The following PCDHA8 variants were observed in gnomAD, a reference collection of about 807,000 sequenced individuals.
The protein encoded by PCDHA8 is protocadherin alpha-8.
PCDHA8 carries 53 observed loss-of-function variants against 61.8 expected under a neutral mutation model. The ratio of observed to expected loss-of-function variants is 0.86; its 90% CI spans 0.69 to 1.08. The LOEUF is 1.08. Ranked by LOEUF, PCDHA8 falls within the 50% of genes least tolerant of loss-of-function variation. The pLI, the probability that PCDHA8 is intolerant of heterozygous loss-of-function variation, is 0.00. For missense variants in PCDHA8, 1,293 were observed against 1,245.0 expected (o/e 1.04, Z -0.58); for synonymous variants, 618 against 556.6 (o/e 1.11, Z -1.55).
intron 1 of PCDHA8, chr5:140,875,344 A>C: frequency 6.9e-7 from 1 of 1,442,996 alleles, no homozygotes; most frequent in Non-Finnish European, 9.1e-7. Flanking sequence ...TCGACTCCAT[A>C]ATGACTGTGA....
chr5:140,905,248 C>T (rs143714633), intron 1 of PCDHA8, among the ~76,000 whole-genome samples: 1,610 of 152,202 alleles, frequency 0.011, 17 homozygotes, highest in African/African-American at 0.028. Flanking sequence ...TTCATTCTTC[C>T]ACATGAGGCT....
intron 3 of PCDHA8, among the ~76,000 whole-genome samples, chr5:140,989,535 GTT>G (rs2097346543): frequency 6.6e-6 from 1 of 152,178 alleles, no homozygotes; most frequent in Non-Finnish European, 1.5e-5. Context: ...GAGGAAGATA[GTT>G]TGTAATTCCT....
chr5:140,993,463 CACACA>C (rs1563592057), intron 3 of PCDHA8, among the ~76,000 whole-genome samples: 16 of 7,580 alleles, frequency 2.1e-3, no homozygotes, highest in African/African-American at 9.9e-3. Flanking sequence ...CTTTCTTTCT[CACACA>C]CACACACACA....
rs915171063 is a variant in PCDHA8 at position 140,977,108 on chromosome 5, T to C, written c.2395-1841T>C. On this transcript the variant is annotated intron_variant, in intron 1 of 3. Transcript: ENST00000531613. ...AAATGTGTCATTGGGGAAGTGAGAT[T>C]GTATAATGAACTGAGTTTCCTGGTC... 6.6e-5 allele frequency among the ~76,000 whole-genome samples: 10 copies of C among 152,302 alleles called. No homozygotes were observed. The East Asian group carries it at 1.9e-3, about 29-fold the overall frequency.
At chr5:140,862,623 G>T in intron 1 of PCDHA8, 1 of 531,204 alleles carries the variant, frequency 1.9e-6, no homozygotes, top group Non-Finnish European at 3.8e-6. Context: ...ACAACCCGCG[G>T]GGCTGCCACG....
rs2150342799 is a variant in PCDHA8 at position 140,842,713 on chromosome 5, G to C, written c.1392G>C (p.Val464=). ...CGCAGCCCGAGTACACGGTGTTCGT[G>C]AAGGAGAACAACCCGCCGGGCTGCC... The part of the protein sequence containing the change: ...AFAQPEYTVF[V]KENNPPGCHI... Residue 464 remains valine (V), a synonymous_variant, in exon 1 of 4, where the codon GTG becomes GTC. Coordinates refer to ENST00000531613, the MANE Select transcript of PCDHA8 (RefSeq NM_018911.3). 4.1e-5 allele frequency: 65 copies of C among 1,595,292 alleles called. 3 individuals are homozygous for C. In the Middle Eastern group the frequency reaches 1.3e-3, roughly 31 times the overall value.
intron 1 of PCDHA8, among the ~76,000 whole-genome samples, chr5:140,900,046 G>A (rs896570608): frequency 2.4e-4 from 36 of 152,294 alleles, no homozygotes; most frequent in Admixed American, 1.6e-3. Context: ...CTGGGCTCAA[G>A]TGATCCTTTA....
intron 1 of PCDHA8, chr5:140,866,356 A>G (rs1554160259): frequency 6.6e-6 from 1 of 152,172 alleles, no homozygotes; most frequent in African/African-American, 2.4e-5. Flanking sequence ...AAATGTTTAC[A>G]ATATTGCATA....
chr5:140,842,014 A>C lies in PCDHA8; in HGVS notation c.693A>C (p.Thr231=). The C allele has an allele frequency of 6.2e-7, 1 of 1,613,836 alleles. No homozygotes were observed. The highest frequency in any genetic ancestry group is 8.5e-7 in the Non-Finnish European group (1 of 1,179,780). ...CAGGCACTGTTCAGCTGCTGGTCACAGTGCTGGATGTGAATGATAATGCTC... is the reference window on the plus strand; with the variant it reads ...CAGGCACTGTTCAGCTGCTGGTCACCGTGCTGGATGTGAATGATAATGCTC... ...ELTGTVQLLV[T]VLDVNDNAPT... The change falls in exon 1 of 4, where the codon ACA becomes ACC. Residue 231 remains threonine, a synonymous_variant. Coordinates refer to ENST00000531613, the MANE Select transcript of PCDHA8 (RefSeq NM_018911.3).
intron 1 of PCDHA8, chr5:140,968,772 C>T (rs782257554): frequency 1.2e-6 from 2 of 1,614,180 alleles, no homozygotes; most frequent in South Asian, 1.1e-5. Context: ...GGAGAGCCAT[C>T]ACTATCAGCC....
At chr5:140,867,411 AT>A (rs2049946393) in intron 1 of PCDHA8, 2 of 152,130 alleles carry the variant, frequency 1.3e-5, no homozygotes, top group South Asian at 2.1e-4. Context: ...GTCTCCTTTA[AT>A]TTTTTAATAC....
chr5:140,987,709 T>TATG (rs1359366930), intron 3 of PCDHA8, among the ~76,000 whole-genome samples: 1 of 152,190 alleles, frequency 6.6e-6, no homozygotes, highest in Non-Finnish European at 1.5e-5. Flanking sequence ...TTTTTCCAGG[T>TATG]ATGAGTCTAT....
In PCDHA8 at chr5:140,903,730, A is replaced by G. The variant is rs2070542594; in HGVS notation, c.2394+60015A>G. Among the ~76,000 whole-genome samples, 4 of 152,350 alleles carry G rather than the reference A, an allele frequency of 2.6e-5. No homozygotes were observed. In the South Asian group the frequency reaches 8.3e-4, roughly 32 times the overall value. ...AAATATACAATTCTCCCTATTATCA[A>G]TTATTACAGAATGTTTCCCTTGATT... is the stretch of plus-strand genomic sequence containing the variant. On this transcript the variant is annotated intron_variant, in intron 1 of 3. Transcript: ENST00000531613.
intron 1 of PCDHA8, among the ~76,000 whole-genome samples, chr5:140,924,902 A>AAAAAAAT (rs1554202311): frequency 2.8e-4 from 11 of 39,026 alleles, no homozygotes; most frequent in Non-Finnish European, 5.7e-4. Context: ...CTCAAAAAAA[A>AAAAAAAT]AAATAAAATA....
chr5:140,857,826 T>G, intron 1 of PCDHA8: 1 of 1,597,464 alleles, frequency 6.3e-7, no homozygotes, highest in Non-Finnish European at 8.6e-7. Context: ...GTGGCTAAGG[T>G]GCGCGCAGTG....
intron 1 of PCDHA8, chr5:140,870,468 A>G: frequency 1.2e-6 from 2 of 1,614,214 alleles, no homozygotes; most frequent in Non-Finnish European, 8.5e-7. Flanking sequence ...CTGCGTTCGC[A>G]CAGCCCGAGT....
At chr5:141,008,347 G>A (rs551037675) in intron 3 of PCDHA8, among the ~76,000 whole-genome samples, 7 of 152,244 alleles carry the variant, frequency 4.6e-5, no homozygotes, top group South Asian at 2.1e-4. Flanking sequence ...AGCTTTTCAC[G>A]TGTCAACCAA....
intron 1 of PCDHA8, among the ~76,000 whole-genome samples, chr5:140,953,720 G>C (rs2094928996): frequency 6.6e-6 from 1 of 152,068 alleles, no homozygotes; most frequent in African/African-American, 2.4e-5. Flanking sequence ...CAGACATTGT[G>C]TTTTGAAATT....
intron 3 of PCDHA8, among the ~76,000 whole-genome samples, chr5:140,991,361 G>C (rs1183124741): frequency 6.6e-6 from 1 of 152,200 alleles, no homozygotes; most frequent in Non-Finnish European, 1.5e-5. Context: ...ACTATTTACT[G>C]TCTGAGTTCT....
Sources: gnomAD v4.1 joint callset for allele counts (sites outside exome capture counted in the v4.1 genomes callset) on GRCh38, gnomAD v4.1.1 for gene constraint, MANE v1.5 for transcripts, NCBI Gene and HGNC (gene_info 2026-07-23, HGNC 2026-07-21) for gene names.